Variants in MTARC2 observed in about 807,000 individuals in gnomAD.
MTARC2 encodes the protein MOCO sulphurase C-terminal domain containing 2.
A neutral mutation model predicts 35.6 loss-of-function variants in MTARC2; 27 were observed. The ratio of observed to expected loss-of-function variants is 0.76; its 90% CI spans 0.56 to 1.04. The LOEUF is 1.04. Ranked by LOEUF, MTARC2 falls within the 50% of genes least tolerant of loss-of-function variation. The pLI is 0.00. For synonymous variants in MTARC2, 158 were observed against 167.1 expected, an observed-to-expected ratio of 0.95 and a Z score of 0.42; for missense variants, 412 against 432.5, an observed-to-expected ratio of 0.95 and a Z score of 0.42.
chr1:220,754,845 G>A, intron 1 of MTARC2, 102 bp from the exon 2 acceptor site: 1 of 1,103,970 alleles, frequency 9.1e-7, no homozygotes, highest in South Asian at 1.6e-5. Flanking sequence ...TAGGTCCCAA[G>A]ACGGGGTGGG....
At chr1:220,756,309 C>T (rs899553759) in intron 2 of MTARC2, 7 of 152,224 alleles carry the variant, frequency 4.6e-5, no homozygotes, top group East Asian at 1.9e-4. Flanking sequence ...CAGATTACTC[C>T]GTGAACTCTC....
intron 4 of MTARC2, among the ~76,000 whole-genome samples, chr1:220,778,374 C>T (rs191584571): frequency 6.6e-6 from 1 of 152,076 alleles, no homozygotes; most frequent in East Asian, 1.9e-4. Context: ...TGGTGGAAGG[C>T]AAAGGGGGTC....
chr1:220,758,577 AC>A (rs1671346229), intron 2 of MTARC2, among the ~76,000 whole-genome samples: 1 of 151,518 alleles, frequency 6.6e-6, no homozygotes, highest in African/African-American at 2.4e-5. Context: ...GCACCACCAC[AC>A]CCGGCTAATT....
At chr1:220,783,780 G>A (rs944791209) in intron 7 of MTARC2, 139 bp from the exon 8 acceptor site, 12 of 630,436 alleles carry the variant, frequency 1.9e-5, no homozygotes, top group African/African-American at 3.7e-5. Flanking sequence ...TAGAGCTAAT[G>A]GGCCATGCTT....
intron 6 of MTARC2, among the ~76,000 whole-genome samples, chr1:220,781,067 G>A (rs1318833087): frequency 6.6e-6 from 1 of 150,732 alleles, no homozygotes; most frequent in Non-Finnish European, 1.5e-5. Context: ...AACGAAGATA[G>A]TGATTTAGGC....
chr1:220,767,882 C>T (rs773294614), intron 4 of MTARC2, among the ~76,000 whole-genome samples: 2 of 152,188 alleles, frequency 1.3e-5, no homozygotes, highest in Non-Finnish European at 2.9e-5. Context: ...TCCTTTCCAG[C>T]TGTTGAGAAA....
In MTARC2 at chr1:220,748,817, C is replaced by A. The variant is rs1297893961; in HGVS notation, c.272+14C>A. ...CCTGCGGGACAGGTACAGCACAGCGCGGGCGCGGGGCAGCGCGGAGCCTGC... is the reference window on the plus strand; with the variant it reads ...CCTGCGGGACAGGTACAGCACAGCGAGGGCGCGGGGCAGCGCGGAGCCTGC... On this transcript the variant is annotated intron_variant, in intron 1 of 7. Coordinates refer to ENST00000366913, the MANE Select transcript of MTARC2 (RefSeq NM_017898.5). 6.4e-7 allele frequency: 1 copy of A among 1,568,584 alleles called. No individual in the cohort carries two copies. Among genetic ancestry groups the A allele is most frequent in the South Asian group, 1.2e-5 (1 of 85,756 alleles).
At chr1:220,748,922 G>A in intron 1 of MTARC2, 119 bp downstream of exon 1, 1 of 1,286,322 alleles carries the variant, frequency 7.8e-7, no homozygotes, top group African/African-American at 1.6e-5. Context: ...GAGTTTCTGG[G>A]CTGACTGTTG....
chr1:220,771,445 A>G (rs1458060699), intron 4 of MTARC2, among the ~76,000 whole-genome samples: 1 of 152,108 alleles, frequency 6.6e-6, no homozygotes, highest in Non-Finnish European at 1.5e-5. Context: ...GCGATTCCGT[A>G]GGAGCATACA....
At chr1:220,782,052 T>G (rs1357088346) in intron 7 of MTARC2, 120 bp downstream of exon 7, 1 of 908,796 alleles carries the variant, frequency 1.1e-6, no homozygotes, top group African/African-American at 1.7e-5. Context: ...TTTTATATTC[T>G]GATCTTTGGA....
In MTARC2 at chr1:220,748,866, G is replaced by C. The variant is rs182806782; in HGVS notation, c.272+63G>C. ...GCCTGGGATGAGGAGCGGGGGGGCA[G>C]GTGGGGCCCGATCTATCTGGGAAGG... On this transcript the variant is annotated intron_variant, in intron 1 of 7. Transcript: ENST00000366913. 75 of 1,475,378 alleles carry C rather than the reference G, an allele frequency of 5.1e-5. 2 individuals carry two copies. In the East Asian group the frequency reaches 1.8e-3, roughly 35 times the overall value. 91.4% of individuals were successfully genotyped at this position (1,475,378 alleles called of 1,614,324 possible). A position where few individuals can be genotyped will look rare whatever the true frequency, so the allele number is the denominator to read the frequency against.
chr1:220,761,487 A>G (rs1671434216), intron 2 of MTARC2, among the ~76,000 whole-genome samples, 171 bp from the exon 3 acceptor site: 1 of 152,222 alleles, frequency 6.6e-6, no homozygotes, highest in Admixed American at 6.5e-5. Context: ...GCTCTTCCCC[A>G]GAGCACACTC....
At position 220,748,503 on chromosome 1, in the gene MTARC2, C is replaced by T; in HGVS notation, c.-29C>T. On this transcript the variant is annotated 5_prime_UTR_variant, in exon 1 of 8. Transcript: ENST00000366913. ...GTCTCCGGTCGCTGCCGGGTCTGTG[C>T]GCCGGTCCGCGCCCGCCCTCGCTCT... 2 of 1,372,660 alleles carry T rather than the reference C, an allele frequency of 1.5e-6. No individual in the cohort carries two copies. 85.0% of individuals were successfully genotyped at this position (1,372,660 alleles called of 1,614,324 possible).
intron 4 of MTARC2, among the ~76,000 whole-genome samples, chr1:220,779,798 C>A (rs185255499): frequency 6.6e-6 from 1 of 152,164 alleles, no homozygotes; most frequent in Non-Finnish European, 1.5e-5. Flanking sequence ...GTCATCCCTG[C>A]GATGATGGAA....
intron 4 of MTARC2, among the ~76,000 whole-genome samples, chr1:220,769,384 T>G (rs1671672457): frequency 6.6e-6 from 1 of 152,172 alleles, no homozygotes; most frequent in Admixed American, 6.5e-5. Flanking sequence ...CAGTGAGATC[T>G]GCCTGGGCCG....
At position 220,748,636 on chromosome 1, in the gene MTARC2, G is replaced by A. The variant is rs780790734; in HGVS notation, c.105G>A (p.Leu35=). 4 of 1,527,626 alleles carry A rather than the reference G, an allele frequency of 2.6e-6. No homozygotes were observed. Among genetic ancestry groups the A allele is most frequent in the Non-Finnish European group, 3.5e-6 (4 of 1,141,730 alleles). The allele number at this position is 1,527,626 out of a possible 1,614,324, so 94.6% of individuals were successfully genotyped here. ...VAALGLAAVA[L]GTVAWRRAWP... is the part of the protein sequence containing the mutation. ...CGCTAGGACTGGCCGCCGTGGCCCT[G>A]GGGACTGTCGCCTGGCGCCGCGCAT... The change falls in exon 1 of 8, where the codon CTG becomes CTA. Residue 35 remains leucine (L), a synonymous_variant. Coordinates refer to ENST00000366913, the MANE Select transcript of MTARC2 (RefSeq NM_017898.5).
At chr1:220,757,231 AT>A (rs1671304852) in intron 2 of MTARC2, among the ~76,000 whole-genome samples, 1 of 152,246 alleles carries the variant, frequency 6.6e-6, no homozygotes, top group African/African-American at 2.4e-5. Context: ...ATTCTGTTCC[AT>A]GCATGAATTG....
chr1:220,753,531 T>G (rs2102542805), intron 1 of MTARC2, among the ~76,000 whole-genome samples: 1 of 152,302 alleles, frequency 6.6e-6, no homozygotes, highest in African/African-American at 2.4e-5. Flanking sequence ...CGGAGCTCCC[T>G]GTGCTGGGAT....
chr1:220,783,132 G>A (rs545533949), intron 7 of MTARC2, among the ~76,000 whole-genome samples: 44 of 152,272 alleles, frequency 2.9e-4, no homozygotes, highest in Non-Finnish European at 2.6e-4. Context: ...TATTTCATCC[G>A]TTCTGAGATC....
Sources: allele counts gnomAD v4.1 joint callset (sites outside exome capture counted in the v4.1 genomes callset), GRCh38; gene constraint gnomAD v4.1.1; transcripts MANE v1.5; gene names NCBI Gene and HGNC (gene_info 2026-07-23, HGNC 2026-07-21).